CTSB: variants seen among roughly 807,000 people sequenced by gnomAD.
CTSB encodes APP secretase.
CTSB carries 57 observed loss-of-function variants against 44.3 expected under a neutral mutation model. The observed-to-expected ratio is 1.29, with a 90% CI of 1.04 to 1.60. CTSB has a LOEUF of 1.60. Among genes scored for constraint, CTSB ranks in the 40% most tolerant of loss-of-function variants. CTSB has a pLI of 0.00. For missense variants in CTSB, 768 were observed against 443.0 expected (o/e 1.73, Z -6.59); for synonymous variants, 320 against 168.0 (o/e 1.91, Z -7.00).
chr8:11,847,810 T>C lies in CTSB; in HGVS notation c.545A>G (p.Tyr182Cys). 6.3e-7 allele frequency: 1 copy of C among 1,596,378 alleles called. No individual in the cohort carries two copies. The highest frequency in any genetic ancestry group is 8.5e-7 in the Non-Finnish European group (1 of 1,174,984). The change falls in exon 7 of 10, where the codon TAC becomes TGC. Residue 182 changes from tyrosine to cysteine, a missense_variant. Tyr to Cys is a radical substitution (Grantham distance 194). Coordinates refer to ENST00000353047, the MANE Select transcript of CTSB (RefSeq NM_001908.5). ...LYESHVGCRP[Y>C]SIPPCEHHVN... is the part of the protein sequence containing the mutation. ...GTGGTGCTCACAGGGAGGGATGGAG[T>C]ACGGTCTGCACCCTGATGGGACGCG...
intron 1 of CTSB, among the ~76,000 whole-genome samples, chr8:11,857,046 G>A (rs934075881): frequency 5.3e-5 from 8 of 152,078 alleles, no homozygotes; most frequent in Non-Finnish European, 7.4e-5. Context: ...ACTTTGAGAT[G>A]GGAGTCTCGC....
intron 1 of CTSB, among the ~76,000 whole-genome samples, chr8:11,864,116 T>C (rs1171686773): frequency 6.6e-6 from 1 of 152,160 alleles, no homozygotes; most frequent in African/African-American, 2.4e-5. Flanking sequence ...AGGATCCATG[T>C]AGTGTAACTG....
chr8:11,847,195 G>A (rs1329243526), intron 7 of CTSB, 27 bp from the exon 8 acceptor site: 1 of 1,477,724 alleles, frequency 6.8e-7, no homozygotes, highest in Admixed American at 1.7e-5. Flanking sequence ...GCTCGGGGTT[G>A]GGGAGGGCAG....
chr8:11,866,441 G>A (rs1817163624), intron 1 of CTSB, among the ~76,000 whole-genome samples: 1 of 152,234 alleles, frequency 6.6e-6, no homozygotes, highest in Non-Finnish European at 1.5e-5. Context: ...CCCAGCTAGA[G>A]GACAAATGAC....
At chr8:11,845,572 G>C in intron 9 of CTSB, 89 bp downstream of exon 9, 4 of 1,492,754 alleles carry the variant, frequency 2.7e-6, no homozygotes. Context: ...GTTTAAGGCT[G>C]TGCGGTGGGT....
chr8:11,850,875 G>A lies in CTSB; in HGVS notation c.318C>T (p.Gly106=), dbSNP rs770081331. 7 of 1,611,956 alleles carry A rather than the reference G, an allele frequency of 4.3e-6. No individual in the cohort carries two copies. In the African/African-American group the frequency reaches 6.7e-5, roughly 15 times the overall value. Residue 106 remains glycine (G), a synonymous_variant, in exon 4 of 10, where the codon GGC becomes GGT. Coordinates refer to ENST00000353047, the MANE Select transcript of CTSB (RefSeq NM_001908.5). ...IKEIRDQGSC[G]SCWAFGAVEA... ...GCCAGCAGGGCCTTACCCAGCAGGA[G>A]CCACAGGAGCCCTGGTCTCTGATCT...
chr8:11,843,480 C>T lies in CTSB; in HGVS notation c.*1645G>A, dbSNP rs146555882. On this transcript the variant is annotated 3_prime_UTR_variant, in exon 10 of 10. Transcript: ENST00000353047. ...TGATTGCTGGTTCTTCTAGTTTGCT[C>T]TATACCAAGAACTGCTATAACATGT... is the stretch of plus-strand genomic sequence containing the variant. 2 of 152,214 alleles carry T rather than the reference C, an allele frequency of 1.3e-5. No homozygotes were observed. The highest frequency in any genetic ancestry group is 2.4e-5 in the African/African-American group (1 of 41,436). The allele number at this position is 152,214 out of a possible 1,614,324, so 9.4% of individuals were successfully genotyped here.
chr8:11,864,550 A>T (rs1161157933), intron 1 of CTSB: 1 of 152,150 alleles, frequency 6.6e-6, no homozygotes, highest in African/African-American at 2.4e-5. Flanking sequence ...AATCCAAAAG[A>T]GGGGCAGCAG....
chr8:11,863,274 CAT>C (rs1231646648), intron 1 of CTSB, among the ~76,000 whole-genome samples: 1 of 152,134 alleles, frequency 6.6e-6, no homozygotes, highest in African/African-American at 2.4e-5. Flanking sequence ...GCCCGACAAA[CAT>C]AGTGACATCC....
At chr8:11,860,347 G>T (rs1276239946) in intron 1 of CTSB, among the ~76,000 whole-genome samples, 1 of 152,038 alleles carries the variant, frequency 6.6e-6, no homozygotes, top group Non-Finnish European at 1.5e-5. Flanking sequence ...AGTTGGCCGG[G>T]CACAGTGGCA....
chr8:11,845,617 G>A (rs780259197), intron 9 of CTSB, 44 bp downstream of exon 9: 27 of 1,597,176 alleles, frequency 1.7e-5, no homozygotes, highest in Non-Finnish European at 2.2e-5. Context: ...ACGGGGTGTG[G>A]CTCACAATTC....
At chr8:11,849,217 T>A in intron 4 of CTSB, 53 bp from the exon 5 acceptor site, 1 of 1,483,980 alleles carries the variant, frequency 6.7e-7, no homozygotes, top group East Asian at 2.3e-5. Context: ...CTGGGCCCTC[T>A]GCAGCAGTCC....
At chr8:11,845,906 T>C in intron 8 of CTSB, 117 bp from the exon 9 acceptor site, 1 of 1,295,596 alleles carries the variant, frequency 7.7e-7, no homozygotes, top group Non-Finnish European at 1.0e-6. Flanking sequence ...AGAGGGAACC[T>C]GCTGCTCCAC....
chr8:11,864,060 A>G (rs1213247795), intron 1 of CTSB, among the ~76,000 whole-genome samples: 6 of 152,208 alleles, frequency 3.9e-5, no homozygotes, highest in Non-Finnish European at 1.5e-5. Context: ...AATGGACTAG[A>G]ACTGGATGTA....
intron 8 of CTSB, 109 bp from the exon 9 acceptor site, chr8:11,845,898 A>C (rs376331363): frequency 2.2e-6 from 3 of 1,347,540 alleles, no homozygotes; most frequent in South Asian, 3.3e-5. Flanking sequence ...CAGCTTCCAG[A>C]GGGAACCTGC....
chr8:11,849,550 T>G (rs1338492088), intron 4 of CTSB: 1 of 172,326 alleles, frequency 5.8e-6, no homozygotes, highest in African/African-American at 2.4e-5. Flanking sequence ...CTGCAAAATG[T>G]GTAGTATTAG....
Position 11,850,884 on chromosome 8 carries a change from G to A in CTSB, c.309C>T (p.Gly103=), listed in dbSNP as rs1457428658. 3.1e-6 allele frequency: 5 copies of A among 1,612,912 alleles called. No individual in the cohort carries two copies. Among genetic ancestry groups the A allele is most frequent in the Admixed American group, 1.7e-5 (1 of 59,932 alleles). ...GCCTTACCCAGCAGGAGCCACAGGAGCCCTGGTCTCTGATCTCTTTGATGG... is the reference window on the plus strand; with the variant it reads ...GCCTTACCCAGCAGGAGCCACAGGAACCCTGGTCTCTGATCTCTTTGATGG... ...CPTIKEIRDQ[G]SCGSCWAFGA... Residue 103 remains glycine (G), a synonymous_variant, in exon 4 of 10, where the codon GGC becomes GGT. Coordinates refer to ENST00000353047, the MANE Select transcript of CTSB (RefSeq NM_001908.5).
chr8:11,861,795 G>C (rs1816454710), intron 1 of CTSB, among the ~76,000 whole-genome samples: 1 of 152,192 alleles, frequency 6.6e-6, no homozygotes, highest in Admixed American at 6.6e-5. Flanking sequence ...AATGAGATTA[G>C]TGTTCTGCTC....
intron 5 of CTSB, 80 bp from the exon 6 acceptor site, chr8:11,848,232 C>G (rs777063496): frequency 2.3e-6 from 3 of 1,311,298 alleles, no homozygotes; most frequent in Admixed American, 3.5e-5. Flanking sequence ...CCCAAGTGCC[C>G]GAGGCCACTC....
Sources: allele counts gnomAD v4.1 joint callset (sites outside exome capture counted in the v4.1 genomes callset), GRCh38; gene constraint gnomAD v4.1.1; transcripts MANE v1.5; gene names NCBI Gene and HGNC (gene_info 2026-07-23, HGNC 2026-07-21).